Variants in MAN2B2 observed in about 807,000 individuals in gnomAD.
The protein encoded by MAN2B2 is mannosidase alpha class 2B member 2, also known as epididymis-specific alpha-mannosidase.
MAN2B2 carries 106 observed loss-of-function variants against 117.1 expected under a neutral mutation model. That is an observed-to-expected ratio of 0.90 (90% CI 0.77 to 1.06). The LOEUF (loss-of-function observed/expected upper bound fraction) is 1.06. Ranked by LOEUF, MAN2B2 falls within the 50% of genes least tolerant of loss-of-function variation. The pLI, the probability that MAN2B2 is intolerant of heterozygous loss-of-function variation, is 0.00. For synonymous variants in MAN2B2, 544 were observed against 595.1 expected (o/e 0.91, Z 1.25); for missense variants, 1,326 against 1,381.4 (o/e 0.96, Z 0.64).
intron 8 of MAN2B2, 86 bp from the exon 9 acceptor site, chr4:6,598,112 G>T: frequency 6.9e-7 from 1 of 1,458,624 alleles, no homozygotes; most frequent in African/African-American, 1.4e-5. Flanking sequence ...GCCAGAATGA[G>T]AGCCAGCGCC....
chr4:6,575,912 C>G (rs554498706), intron 1 of MAN2B2, among the ~76,000 whole-genome samples: 4 of 152,264 alleles, frequency 2.6e-5, no homozygotes, highest in South Asian at 4.1e-4. Context: ...AGGAGAAAAC[C>G]GAGGCCCAGA....
At chr4:6,609,743 G>A in intron 12 of MAN2B2, 55 bp from the exon 13 acceptor site, 1 of 1,573,170 alleles carries the variant, frequency 6.4e-7, no homozygotes, top group Non-Finnish European at 8.7e-7. Context: ...AAGCAAAAAG[G>A]AAGCATCTAG....
intron 9 of MAN2B2, 114 bp from the exon 10 acceptor site, chr4:6,600,509 G>A (rs887080862): frequency 1.6e-6 from 2 of 1,270,202 alleles, no homozygotes; most frequent in African/African-American, 1.5e-5. Flanking sequence ...TGGGAGTTCT[G>A]GAGGGCTGCA....
intron 11 of MAN2B2, among the ~76,000 whole-genome samples, chr4:6,607,187 A>G (rs890161646): frequency 1.4e-4 from 22 of 152,036 alleles, no homozygotes; most frequent in Non-Finnish European, 5.9e-5. Context: ...TTCACTTCAC[A>G]TATTTTTCCC....
chr4:6,621,021 A>C, intron 18 of MAN2B2, 167 bp from the exon 19 acceptor site: 1 of 583,534 alleles, frequency 1.7e-6, no homozygotes, highest in Non-Finnish European at 3.1e-6. Context: ...AGCCAGGTGC[A>C]GTGTGGTGAG....
Position 6,576,648 on chromosome 4 carries a change from G to A in MAN2B2, c.209G>A (p.Arg70His), listed in dbSNP as rs772270531. 1.9e-5 allele frequency: 30 copies of A among 1,613,856 alleles called. No homozygotes were observed. The highest frequency in any genetic ancestry group is 7.7e-5 in the South Asian group (7 of 91,090). ...VVEELARGQQ[R>H]RFIAVEQEFF... ...GAAGAGCTGGCCCGCGGCCAGCAGC[G>A]CCGGTTCATCGCTGTGGAGCAGGAG... Residue 70 changes from arginine (R) to histidine (H), a missense_variant, in exon 2 of 19, where the codon CGC becomes CAC. By Grantham distance (29) the Arg-to-His change is conservative. Transcript: ENST00000285599.
chr4:6,578,320 G>A (rs1347194220), intron 2 of MAN2B2, 73 bp from the exon 3 acceptor site: 5 of 1,113,298 alleles, frequency 4.5e-6, no homozygotes, highest in Non-Finnish European at 5.3e-6. Flanking sequence ...GGCGCTGTAG[G>A]TGTGTTCCCC....
rs775331120 is a variant in MAN2B2 at position 6,609,960 on chromosome 4, A to C, written c.2169A>C (p.Leu723=). The change falls in exon 13 of 19, where the codon CTA becomes CTC. Residue 723 remains leucine, a synonymous_variant. Transcript: ENST00000285599. ...REAVLRTSTN[L]NSQQVIYSDN... ...CTGTCCTGAGGACCAGCACCAACCT[A>C]AACAGCCAGCAGGTCATCTACTCAG... The C allele has an allele frequency of 2.5e-6, 4 of 1,613,984 alleles. No individual in the cohort carries two copies. The highest frequency in any genetic ancestry group is 2.7e-5 in the African/African-American group (2 of 74,918).
chr4:6,617,314 A>G lies in MAN2B2; in HGVS notation c.2702-66A>G, dbSNP rs536276852. The G allele has an allele frequency of 2.2e-4, 278 of 1,242,486 alleles. 3 individuals are homozygous for G. In the South Asian group the frequency reaches 3.0e-3, roughly 13 times the overall value. 77.0% of individuals were successfully genotyped at this position (1,242,486 alleles called of 1,614,324 possible). A position where few individuals can be genotyped will look rare whatever the true frequency, so the allele number is the denominator to read the frequency against. ...GAGCTGAGTGTGTAAAGCAGCGGGTATAGACCAGGGACATTGGGGTTGGTT... is the reference window on the plus strand; with the variant it reads ...GAGCTGAGTGTGTAAAGCAGCGGGTGTAGACCAGGGACATTGGGGTTGGTT... On this transcript the variant is annotated intron_variant, in intron 16 of 18. Transcript: ENST00000285599.
intron 2 of MAN2B2, among the ~76,000 whole-genome samples, chr4:6,577,026 C>T (rs1726090770): frequency 6.6e-6 from 1 of 152,204 alleles, no homozygotes; most frequent in East Asian, 1.9e-4. Flanking sequence ...CCCCCTGACA[C>T]CAGGCATCCC....
At chr4:6,586,563 A>G (rs985757638) in intron 3 of MAN2B2, among the ~76,000 whole-genome samples, 5 of 152,100 alleles carry the variant, frequency 3.3e-5, no homozygotes, top group Admixed American at 3.3e-4. Flanking sequence ...TCACAGAAGG[A>G]CTGATGCTGT....
At chr4:6,586,157 T>C (rs1453154391) in intron 3 of MAN2B2, among the ~76,000 whole-genome samples, 2 of 151,592 alleles carry the variant, frequency 1.3e-5, no homozygotes, top group Non-Finnish European at 2.9e-5. Flanking sequence ...CAAGTGATCC[T>C]CCCACCTCCA....
intron 15 of MAN2B2, among the ~76,000 whole-genome samples, chr4:6,613,378 C>CA (rs986856417): frequency 6.6e-6 from 1 of 151,980 alleles, no homozygotes; most frequent in Non-Finnish European, 1.5e-5. Context: ...CTCTTAAGCC[C>CA]AGGAGTTTAA....
intron 10 of MAN2B2, among the ~76,000 whole-genome samples, chr4:6,601,500 CAAA>C (rs1172595578): frequency 3.0e-5 from 3 of 101,556 alleles, no homozygotes; most frequent in Non-Finnish European, 4.3e-5. Context: ...GACTCCATCT[CAAA>C]AAAAAAAAAA....
At chr4:6,609,379 CTT>C in intron 12 of MAN2B2, 81 bp downstream of exon 12, 1 of 1,405,520 alleles carries the variant, frequency 7.1e-7, no homozygotes, top group East Asian at 2.4e-5. Context: ...GAGGGTCTGT[CTT>C]TGCTCTGAAC....
chr4:6,620,517 C>T (rs138350063), intron 18 of MAN2B2: 2,019 of 180,034 alleles, frequency 0.011, 39 homozygotes, highest in African/African-American at 0.045. Flanking sequence ...TGCTCAAGCT[C>T]CCCAGGATGC....
chr4:6,611,081 C>A lies in MAN2B2; in HGVS notation c.2371-5C>A. 3 of 1,612,352 alleles carry A rather than the reference C, an allele frequency of 1.9e-6. No homozygotes were observed. Among genetic ancestry groups the A allele is most frequent in the Non-Finnish European group, 2.5e-6 (3 of 1,178,754 alleles). On this transcript the variant is annotated splice_region_variant and splice_polypyrimidine_tract_variant and intron_variant, in intron 14 of 18. Coordinates refer to ENST00000285599, the MANE Select transcript of MAN2B2 (RefSeq NM_015274.3). ...CCGGGCCTCTCGGACAATGCCTTCC[C>A]GCAGGTCATGCTCCACCGGCGGCTG...
At chr4:6,597,952 G>T (rs1192485050) in intron 8 of MAN2B2, among the ~76,000 whole-genome samples, 2 of 152,158 alleles carry the variant, frequency 1.3e-5, no homozygotes, top group African/African-American at 4.8e-5. Context: ...GTGACTTCAG[G>T]GTCCTTCAGA....
intron 5 of MAN2B2, among the ~76,000 whole-genome samples, chr4:6,589,607 G>A (rs1473686740): frequency 2.0e-5 from 3 of 152,216 alleles, no homozygotes; most frequent in Non-Finnish European, 4.4e-5. Flanking sequence ...CTCCCCAGCA[G>A]AGTGGGTGGG....
Sources: gnomAD v4.1 joint callset for allele counts (sites outside exome capture counted in the v4.1 genomes callset) on GRCh38, gnomAD v4.1.1 for gene constraint, MANE v1.5 for transcripts, NCBI Gene and HGNC (gene_info 2026-07-23, HGNC 2026-07-21) for gene names.